ADGRL2: variants seen among roughly 807,000 people sequenced by gnomAD.
The protein encoded by ADGRL2 is calcium-independent alpha-latrotoxin receptor 2.
In ADGRL2, 44 loss-of-function variants were observed where a neutral mutation model predicts 157.4. The observed-to-expected ratio is 0.28, with a 90% CI of 0.22 to 0.36. The LOEUF (loss-of-function observed/expected upper bound fraction) is 0.36. Ranked by LOEUF, ADGRL2 falls within the 10% of genes least tolerant of loss-of-function variation. The pLI is 1.00. For missense variants in ADGRL2, 1,510 were observed against 1,768.9 expected (o/e 0.85, Z 2.63); for synonymous variants, 585 against 624.7 (o/e 0.94, Z 0.95).
At chr1:81,593,907 T>A (rs992278647) in intron 3 of ADGRL2, among the ~76,000 whole-genome samples, 2 of 152,174 alleles carry the variant, frequency 1.3e-5, no homozygotes, top group African/African-American at 4.8e-5. Context: ...TTTGCGAAGT[T>A]TGTTGGCATG....
chr1:81,991,559 C>G lies in ADGRL2; in HGVS notation c.*414C>G, dbSNP rs1664601088. On this transcript the variant is annotated 3_prime_UTR_variant, in exon 24 of 24. Transcript: ENST00000686636. ...ACGTAGGCTTTAAAATCCTGTGGGACAAATTTACTGTACCTTACTATTCCT... is the reference window on the plus strand; with the variant it reads ...ACGTAGGCTTTAAAATCCTGTGGGAGAAATTTACTGTACCTTACTATTCCT... The G allele has an allele frequency of 6.4e-6, 1 of 156,574 alleles. No individual in the cohort carries two copies. The highest frequency in any genetic ancestry group is 2.4e-5 in the African/African-American group (1 of 41,490). 9.7% of individuals were successfully genotyped at this position (156,574 alleles called of 1,614,324 possible).
At chr1:81,912,851 G>A (rs566160555) in intron 3 of ADGRL2, among the ~76,000 whole-genome samples, 3 of 152,154 alleles carry the variant, frequency 2.0e-5, no homozygotes, top group Non-Finnish European at 4.4e-5. Flanking sequence ...TCAAGAAATA[G>A]CAATTAGCCT....
intron 2 of ADGRL2, among the ~76,000 whole-genome samples, chr1:81,780,637 GAAT>G (rs562933829): frequency 8.0e-4 from 122 of 152,230 alleles, no homozygotes; most frequent in African/African-American, 2.6e-3. Flanking sequence ...CTATGAAATG[GAAT>G]AATAATATCT....
chr1:81,817,474 A>G (rs990028829), intron 1 of ADGRL2, among the ~76,000 whole-genome samples: 1 of 152,050 alleles, frequency 6.6e-6, no homozygotes, highest in Admixed American at 6.6e-5. Flanking sequence ...TGTAAATAAT[A>G]CACATTTTTT....
intron 1 of ADGRL2, among the ~76,000 whole-genome samples, chr1:81,353,464 GA>G (rs1421898870): frequency 2.0e-5 from 3 of 152,150 alleles, no homozygotes; most frequent in African/African-American, 7.2e-5. Flanking sequence ...CCAGAACCTA[GA>G]AAAGATGCAG....
At chr1:81,629,611 T>C (rs1032222869) in intron 3 of ADGRL2, among the ~76,000 whole-genome samples, 12 of 152,114 alleles carry the variant, frequency 7.9e-5, no homozygotes, top group Admixed American at 7.2e-4. Flanking sequence ...GAATAGTGCT[T>C]GGATCATAAC....
At chr1:81,838,139 T>C (rs2092377396) in intron 2 of ADGRL2, among the ~76,000 whole-genome samples, 1 of 152,030 alleles carries the variant, frequency 6.6e-6, no homozygotes, top group Non-Finnish European at 1.5e-5. Flanking sequence ...CCGTTGTCTG[T>C]GTAATAAGCT....
intron 2 of ADGRL2, among the ~76,000 whole-genome samples, chr1:81,843,726 G>A (rs967449053): frequency 1.3e-5 from 2 of 151,920 alleles, no homozygotes; most frequent in Non-Finnish European, 2.9e-5. Context: ...AAGCTTAATC[G>A]GATACACTGG....
At chr1:81,520,339 G>C (rs770071478) in intron 2 of ADGRL2, among the ~76,000 whole-genome samples, 36 of 152,040 alleles carry the variant, frequency 2.4e-4, no homozygotes, top group South Asian at 6.2e-4. Flanking sequence ...TGATAAAGCT[G>C]TGAGTGACAT....
intron 6 of ADGRL2, among the ~76,000 whole-genome samples, chr1:81,945,860 C>A (rs925013720): frequency 5.8e-5 from 7 of 121,336 alleles, no homozygotes; most frequent in Admixed American, 1.7e-4. Context: ...CTGTTTGACC[C>A]ATATTCATTC....
chr1:81,337,898 T>C (rs1661768173), intron 1 of ADGRL2, among the ~76,000 whole-genome samples: 1 of 152,152 alleles, frequency 6.6e-6, no homozygotes, highest in Admixed American at 6.6e-5. Flanking sequence ...AATTTGAAAA[T>C]AGGGGTACAA....
At chr1:81,321,079 G>A (rs1431988139) in intron 1 of ADGRL2, among the ~76,000 whole-genome samples, 2 of 152,142 alleles carry the variant, frequency 1.3e-5, no homozygotes, top group Non-Finnish European at 2.9e-5. Context: ...TTCTACATCA[G>A]CACTTGCTTC....
chr1:81,771,595 T>G (rs888138802), intron 2 of ADGRL2, among the ~76,000 whole-genome samples: 1 of 152,188 alleles, frequency 6.6e-6, no homozygotes, highest in African/African-American at 2.4e-5. Context: ...AACCTTACTG[T>G]GTTTTCAGCA....
intron 3 of ADGRL2, among the ~76,000 whole-genome samples, chr1:81,682,298 T>TA (rs2083136335): frequency 6.6e-6 from 1 of 152,138 alleles, no homozygotes; most frequent in African/African-American, 2.4e-5. Context: ...TGGCTGGTAA[T>TA]CGGCTTAAAT....
rs1171363241 is a variant in ADGRL2 at position 81,454,296 on chromosome 1, A to G, written c.-248+9207A>G. Among the ~76,000 whole-genome samples, 4 of 152,208 alleles carry G rather than the reference A, an allele frequency of 2.6e-5. No homozygotes were observed. The South Asian group carries it at 8.3e-4, about 32-fold the overall frequency. ...CGTGAAGATTTCTGTCTCATGCAAA[A>G]TGTAACTTAAATTCTATTGGCATGA... On this transcript the variant is annotated intron_variant, in intron 2 of 24. Transcript: ENST00000370721.
At chr1:81,308,458 C>T (rs1659505070) in intron 1 of ADGRL2, among the ~76,000 whole-genome samples, 1 of 152,148 alleles carries the variant, frequency 6.6e-6, no homozygotes, top group Non-Finnish European at 1.5e-5. Context: ...ATTATGTGAA[C>T]TTGAGACTAG....
intron 1 of ADGRL2, among the ~76,000 whole-genome samples, chr1:81,812,402 T>G (rs922570075): frequency 2.6e-5 from 4 of 151,782 alleles, no homozygotes; most frequent in African/African-American, 9.7e-5. Flanking sequence ...GTTTATCATT[T>G]CCTTTATTCA....
At chr1:81,895,393 C>CTT (rs34557038) in intron 2 of ADGRL2, among the ~76,000 whole-genome samples, 9,836 of 97,438 alleles carry the variant, frequency 0.1, 907 homozygotes, top group East Asian at 0.48. Flanking sequence ...TTAAATGTAT[C>CTT]TTTTTTTTTT....
At chr1:81,837,123 A>G in intron 2 of ADGRL2, 66 bp downstream of exon 2, 1 of 773,716 alleles carries the variant, frequency 1.3e-6, no homozygotes, top group Non-Finnish European at 2.1e-6. Context: ...TCTTCTTAAT[A>G]TGGAAGTGCC....
Sources: gnomAD v4.1 joint callset for allele counts (sites outside exome capture counted in the v4.1 genomes callset) on GRCh38, gnomAD v4.1.1 for gene constraint, MANE v1.5 for transcripts, NCBI Gene and HGNC (gene_info 2026-07-23, HGNC 2026-07-21) for gene names.